The following ATP6V0E1 variants were observed in gnomAD, a reference collection of about 807,000 sequenced individuals.
ATP6V0E1 encodes the protein ATPase H+ transporting V0 subunit e1.
A neutral mutation model predicts 11.6 loss-of-function variants in ATP6V0E1; 4 were observed. The observed-to-expected ratio is 0.35, with a 90% CI of 0.17 to 0.79. ATP6V0E1 has a LOEUF of 0.79. Ranked by LOEUF, ATP6V0E1 falls within the 30% of genes least tolerant of loss-of-function variation. The pLI is 0.54. For missense variants in ATP6V0E1, 105 were observed against 100.0 expected (o/e 1.05, Z -0.21); for synonymous variants, 36 against 34.8 (o/e 1.04, Z -0.13).
At chr5:173,019,925 T>C (rs138906432) in intron 2 of ATP6V0E1, among the ~76,000 whole-genome samples, 31 of 152,320 alleles carry the variant, frequency 2.0e-4, no homozygotes, top group African/African-American at 7.5e-4. Context: ...GTGAAAACGC[T>C]TTGAAGCGAA....
intron 3 of ATP6V0E1, among the ~76,000 whole-genome samples, chr5:173,022,978 G>A (rs1054245878): frequency 6.6e-6 from 1 of 152,000 alleles, no homozygotes; most frequent in Non-Finnish European, 1.5e-5. Context: ...AGATCGACCT[G>A]TCTTAGCCTC....
At chr5:173,022,109 T>C (rs1218925303) in intron 3 of ATP6V0E1, among the ~76,000 whole-genome samples, 1 of 152,254 alleles carries the variant, frequency 6.6e-6, no homozygotes, top group South Asian at 2.1e-4. Context: ...AGTGGTATAG[T>C]GGAAAGATTT....
At chr5:173,026,005 T>A (rs1439606257) in intron 3 of ATP6V0E1, among the ~76,000 whole-genome samples, 1 of 151,936 alleles carries the variant, frequency 6.6e-6, no homozygotes, top group African/African-American at 2.4e-5. Context: ...TAATAATATT[T>A]TTTTTTTTTT....
chr5:173,025,539 T>C (rs1162259805), intron 3 of ATP6V0E1, among the ~76,000 whole-genome samples: 1 of 117,220 alleles, frequency 8.5e-6, no homozygotes, highest in Admixed American at 1.0e-4. Context: ...TTTGGAGACA[T>C]GGTCTCTGTC....
chr5:173,001,909 G>A (rs1443746820), intron 2 of ATP6V0E1, among the ~76,000 whole-genome samples: 1 of 152,116 alleles, frequency 6.6e-6, no homozygotes, highest in African/African-American at 2.4e-5. Flanking sequence ...GTAGGGATGA[G>A]GTTTCTCCAT....
chr5:173,029,920 G>A (rs1162054112), intron 3 of ATP6V0E1, among the ~76,000 whole-genome samples: 6 of 152,022 alleles, frequency 3.9e-5, no homozygotes, highest in African/African-American at 1.4e-4. Context: ...TAGTGGTGTG[G>A]GCCCTTGTTC....
intron 2 of ATP6V0E1, among the ~76,000 whole-genome samples, chr5:173,007,073 T>C (rs1444187691): frequency 6.6e-6 from 1 of 152,150 alleles, no homozygotes; most frequent in African/African-American, 2.4e-5. Flanking sequence ...TTGGCAAAAA[T>C]AGGGTATATT....
chr5:173,011,485 G>T (rs541660143), intron 2 of ATP6V0E1, among the ~76,000 whole-genome samples: 1 of 152,220 alleles, frequency 6.6e-6, no homozygotes, highest in East Asian at 1.9e-4. Context: ...CACCTGGCCT[G>T]TTTCATCCTT....
intron 1 of ATP6V0E1, among the ~76,000 whole-genome samples, chr5:172,987,559 C>T (rs1755915548): frequency 1.3e-5 from 2 of 152,058 alleles, no homozygotes; most frequent in African/African-American, 4.8e-5. Context: ...GCTGAGATTA[C>T]AGGTGTGAGC....
intron 3 of ATP6V0E1, among the ~76,000 whole-genome samples, chr5:173,029,915 G>T (rs1412055116): frequency 6.6e-6 from 1 of 152,114 alleles, no homozygotes. Context: ...GGCCCTAGTG[G>T]TGTGGGCCCT....
intron 2 of ATP6V0E1, among the ~76,000 whole-genome samples, chr5:173,001,591 T>C (rs2113590139): frequency 6.6e-6 from 1 of 152,280 alleles, no homozygotes; most frequent in East Asian, 1.9e-4. Context: ...ACCGCTTTGG[T>C]TTCCAACCAA....
intron 2 of ATP6V0E1, among the ~76,000 whole-genome samples, chr5:173,011,150 T>A (rs2113598691): frequency 6.6e-6 from 1 of 151,604 alleles, no homozygotes; most frequent in Admixed American, 6.6e-5. Flanking sequence ...GTGGAATAAA[T>A]GAATCCCTAG....
chr5:172,993,156 A>C (rs1030609177), intron 1 of ATP6V0E1, among the ~76,000 whole-genome samples: 1 of 152,190 alleles, frequency 6.6e-6, no homozygotes, highest in South Asian at 2.1e-4. Context: ...CCTAATACAT[A>C]TACTGGACAT....
intron 1 of ATP6V0E1, chr5:172,987,139 A>T (rs1755909227): frequency 4.7e-6 from 1 of 213,380 alleles, no homozygotes; most frequent in East Asian, 1.6e-4. Context: ...GAGGAGCTGA[A>T]AGTGAAGGCC....
Position 172,983,806 on chromosome 5 carries a change from C to A in ATP6V0E1, c.-55C>A. On this transcript the variant is annotated 5_prime_UTR_variant, in exon 1 of 4. Transcript: ENST00000519374. ...GTCACGCGGTCAGCTATTGACACTT[C>A]CTGGTGGGATCCGAGTGAGGCGACG... The A allele has an allele frequency of 2.6e-6, 4 of 1,549,816 alleles. No homozygotes were observed. Among genetic ancestry groups the A allele is most frequent in the Non-Finnish European group, 3.6e-6 (4 of 1,123,738 alleles).
chr5:173,016,045 C>G (rs1756394123), intron 2 of ATP6V0E1, among the ~76,000 whole-genome samples: 1 of 152,122 alleles, frequency 6.6e-6, no homozygotes, highest in Non-Finnish European at 1.5e-5. Flanking sequence ...TTATAGTAAA[C>G]CAGAAAACGT....
chr5:173,026,198 G>T (rs1756556070), intron 3 of ATP6V0E1, among the ~76,000 whole-genome samples: 2 of 151,978 alleles, frequency 1.3e-5, no homozygotes, highest in Non-Finnish European at 2.9e-5. Flanking sequence ...GTTTCGCTTT[G>T]TTGCCCAGGA....
At chr5:173,017,172 A>G (rs1039045207) in intron 2 of ATP6V0E1, among the ~76,000 whole-genome samples, 7 of 152,214 alleles carry the variant, frequency 4.6e-5, no homozygotes. Flanking sequence ...TTCCCCGCTT[A>G]TAGGGAAATT....
intron 3 of ATP6V0E1, among the ~76,000 whole-genome samples, chr5:173,027,590 A>G (rs188451383): frequency 4.6e-5 from 7 of 151,060 alleles, no homozygotes; most frequent in Non-Finnish European, 7.4e-5. Flanking sequence ...TATTTTATAT[A>G]TATGTTTATA....
Sources: gnomAD v4.1 joint callset for allele counts (sites outside exome capture counted in the v4.1 genomes callset) on GRCh38, gnomAD v4.1.1 for gene constraint, MANE v1.5 for transcripts, NCBI Gene and HGNC (gene_info 2026-07-23, HGNC 2026-07-21) for gene names.